SH3RF3: variants seen among roughly 807,000 people sequenced by gnomAD.
SH3RF3 encodes the protein SH3 domain containing ring finger 3.
SH3RF3 carries 29 observed loss-of-function variants against 66.3 expected under a neutral mutation model. That is an observed-to-expected ratio of 0.44 (90% CI 0.33 to 0.60). The LOEUF (loss-of-function observed/expected upper bound fraction) is 0.60, where lower values mean the gene tolerates loss of function less well. Among genes scored for constraint, SH3RF3 ranks in the 20% least tolerant of loss-of-function variants. The pLI is 0.04. For missense variants in SH3RF3, 1,194 were observed against 1,190.9 expected (o/e 1.00, Z -0.04); for synonymous variants, 583 against 532.0 (o/e 1.10, Z -1.32).
intron 9 of SH3RF3, among the ~76,000 whole-genome samples, chr2:109,493,557 C>T (rs1021768569): frequency 0.26 from 38,576 of 151,246 alleles, 5,243 homozygotes; most frequent in East Asian, 0.5. Flanking sequence ...CATACACATA[C>T]ATACCATACA....
intron 4 of SH3RF3, among the ~76,000 whole-genome samples, chr2:109,407,052 C>T (rs906557142): frequency 8.5e-5 from 13 of 152,214 alleles, no homozygotes; most frequent in Non-Finnish European, 1.9e-4. Context: ...GCTTGCACTG[C>T]TGTGTGCAAG....
At chr2:109,467,710 C>T (rs1361156980) in intron 8 of SH3RF3, among the ~76,000 whole-genome samples, 1 of 152,222 alleles carries the variant, frequency 6.6e-6, no homozygotes, top group African/African-American at 2.4e-5. Context: ...ATTTCCATAT[C>T]TATTTGAGGA....
intron 4 of SH3RF3, among the ~76,000 whole-genome samples, chr2:109,418,711 G>A (rs1676789231): frequency 2.0e-5 from 3 of 152,200 alleles, no homozygotes; most frequent in Admixed American, 2.0e-4. Flanking sequence ...CCAGGGCTGG[G>A]ACTTGGACAG....
chr2:109,360,221 T>A (rs911862256), intron 2 of SH3RF3, among the ~76,000 whole-genome samples: 3 of 152,244 alleles, frequency 2.0e-5, no homozygotes, highest in Admixed American at 2.0e-4. Flanking sequence ...TCTGAACATG[T>A]AATTTTTTTC....
intron 1 of SH3RF3, among the ~76,000 whole-genome samples, chr2:109,323,182 G>A (rs1188259491): frequency 6.6e-6 from 1 of 152,216 alleles, no homozygotes; most frequent in Non-Finnish European, 1.5e-5. Flanking sequence ...AAGGGGAGGT[G>A]TGTATTTCTA....
chr2:109,197,540 C>T (rs1489028507), intron 1 of SH3RF3, among the ~76,000 whole-genome samples: 1 of 152,246 alleles, frequency 6.6e-6, no homozygotes, highest in Non-Finnish European at 1.5e-5. Flanking sequence ...CCCACAGCCA[C>T]CCTTGATGCA....
At chr2:109,172,319 C>T (rs565647216) in intron 1 of SH3RF3, among the ~76,000 whole-genome samples, 3 of 152,374 alleles carry the variant, frequency 2.0e-5, no homozygotes, top group South Asian at 2.1e-4. Context: ...ACCTTGCAAA[C>T]AGCGTGGAAA....
chr2:109,150,299 G>A (rs577026312), intron 1 of SH3RF3, among the ~76,000 whole-genome samples: 1 of 152,260 alleles, frequency 6.6e-6, no homozygotes, highest in South Asian at 2.1e-4. Flanking sequence ...AATGAAAGGA[G>A]GGGAAGGGTT....
At chr2:109,292,667 T>G (rs913431778) in intron 1 of SH3RF3, among the ~76,000 whole-genome samples, 3 of 152,234 alleles carry the variant, frequency 2.0e-5, no homozygotes, top group African/African-American at 7.2e-5. Flanking sequence ...AGCGTCTTTT[T>G]GGGATGGTGC....
intron 4 of SH3RF3, among the ~76,000 whole-genome samples, chr2:109,416,000 G>A (rs1173548367): frequency 6.6e-6 from 1 of 152,180 alleles, no homozygotes; most frequent in Non-Finnish European, 1.5e-5. Context: ...GAGCCAGCAT[G>A]CTCAGCCCCC....
chr2:109,345,813 G>A (rs956894917), intron 1 of SH3RF3, among the ~76,000 whole-genome samples: 2 of 152,152 alleles, frequency 1.3e-5, no homozygotes, highest in African/African-American at 4.8e-5. Flanking sequence ...TTAACCTGCT[G>A]ATGGCTCTGG....
intron 1 of SH3RF3, among the ~76,000 whole-genome samples, chr2:109,165,870 C>T (rs1285676132): frequency 6.6e-6 from 1 of 152,190 alleles, no homozygotes; most frequent in Non-Finnish European, 1.5e-5. Context: ...CTACGTGTGC[C>T]CAGGCTGGAT....
intron 2 of SH3RF3, among the ~76,000 whole-genome samples, chr2:109,368,372 G>A (rs1398036466): frequency 6.6e-6 from 1 of 151,880 alleles, no homozygotes; most frequent in Non-Finnish European, 1.5e-5. Flanking sequence ...TTTTCTTCTT[G>A]GACATTCAAG....
At chr2:109,314,872 T>C (rs1463495600) in intron 1 of SH3RF3, among the ~76,000 whole-genome samples, 4 of 152,234 alleles carry the variant, frequency 2.6e-5, no homozygotes, top group Non-Finnish European at 5.9e-5. Flanking sequence ...ACCCTCTGAG[T>C]TGGTAGAGAT....
intron 5 of SH3RF3, among the ~76,000 whole-genome samples, chr2:109,422,031 C>T (rs1676895946): frequency 6.6e-6 from 1 of 152,228 alleles, no homozygotes; most frequent in Non-Finnish European, 1.5e-5. Flanking sequence ...GCTCACCTAT[C>T]CTCTTTAACT....
intron 8 of SH3RF3, among the ~76,000 whole-genome samples, chr2:109,478,499 C>G (rs1187826956): frequency 1.3e-5 from 2 of 152,212 alleles, no homozygotes; most frequent in South Asian, 4.1e-4. Context: ...TTCATGCTTT[C>G]CATGAAAATG....
chr2:109,492,430 C>T (rs1214205333), intron 9 of SH3RF3, among the ~76,000 whole-genome samples: 2 of 152,106 alleles, frequency 1.3e-5, no homozygotes, highest in South Asian at 2.1e-4. Context: ...GTCGCATGTA[C>T]ACCTGCTGTT....
chr2:109,251,706 A>T, intron 1 of SH3RF3: 1 of 868,484 alleles, frequency 1.2e-6, no homozygotes, highest in South Asian at 1.5e-5. Context: ...CTATTTTACT[A>T]TGATGTAAAA....
intron 1 of SH3RF3, among the ~76,000 whole-genome samples, chr2:109,131,564 G>A (rs1383740919): frequency 1.3e-5 from 2 of 152,194 alleles, no homozygotes; most frequent in African/African-American, 4.8e-5. Context: ...GTTTACAGAT[G>A]TCCTCTCAGT....
Sources: gnomAD v4.1 joint callset for allele counts (sites outside exome capture counted in the v4.1 genomes callset) on GRCh38, gnomAD v4.1.1 for gene constraint, MANE v1.5 for transcripts, NCBI Gene and HGNC (gene_info 2026-07-23, HGNC 2026-07-21) for gene names.